Variants in IGFN1 observed in about 807,000 individuals in gnomAD.
IGFN1 encodes the protein immunoglobulin-like and fibronectin type III domain-containing protein 1.
A neutral mutation model predicts 289.5 loss-of-function variants in IGFN1; 253 were observed. The ratio of observed to expected loss-of-function variants is 0.87; its 90% CI spans 0.79 to 0.97. IGFN1 has a LOEUF of 0.97. Among genes scored for constraint, IGFN1 ranks in the 50% least tolerant of loss-of-function variants. The pLI, the probability that IGFN1 is intolerant of heterozygous loss-of-function variation, is 0.00. For missense variants in IGFN1, 4,470 were observed against 4,686.1 expected, an observed-to-expected ratio of 0.95 and a Z score of 1.35; for synonymous variants, 1,706 against 1,788.5, an observed-to-expected ratio of 0.95 and a Z score of 1.16.
chr1:201,206,178 G>A lies in IGFN1; in HGVS notation c.1285G>A (p.Glu429Lys), dbSNP rs1026660063. 22 of 1,550,318 alleles carry A rather than the reference G, an allele frequency of 1.4e-5. No homozygotes were observed. Among genetic ancestry groups the A allele is most frequent in the Middle Eastern group, 1.7e-4 (1 of 5,980 alleles). Residue 429 changes from glutamate to lysine, a missense_variant, in exon 12 of 24, where the codon GAG becomes AAG. Glu to Lys is a moderately conservative substitution (Grantham distance 56). Transcript: ENST00000335211. Reference sequence around the variant, plus strand: ...AGGAGCAGAAGAGTCTGGGAGCATCGAGAGCCAGGGAGAGAAATCCAGAGA... The same window carrying A: ...AGGAGCAGAAGAGTCTGGGAGCATCAAGAGCCAGGGAGAGAAATCCAGAGA... Reference protein sequence around the residue: ...ASGAEESGSIESQGEKSREQG... With the variant: ...ASGAEESGSIKSQGEKSREQG...
At chr1:201,227,932 T>C (rs1654221759) in intron 23 of IGFN1, among the ~76,000 whole-genome samples, 1 of 152,242 alleles carries the variant, frequency 6.6e-6, no homozygotes, top group Non-Finnish European at 1.5e-5. Flanking sequence ...ATTCTCTCAT[T>C]GGTAGTCTCC....
chr1:201,215,819 GCTCA>G lies in IGFN1; in HGVS notation c.9280_9283del (p.Thr3094CysfsTer4), dbSNP rs1653213927. 1 of 1,597,816 alleles carries G rather than the reference GCTCA, an allele frequency of 6.3e-7. No homozygotes were observed. Among genetic ancestry groups the G allele is most frequent in the African/African-American group, 1.3e-5 (1 of 74,714 alleles). ...GTGAGGGAGGCTCTGTGCAGGCCGAGCTCACTCTGCAAGTCATAGGTACCAGCCC... is the reference window on the plus strand; with the variant it reads ...GTGAGGGAGGCTCTGTGCAGGCCGAGCTCTGCAAGTCATAGGTACCAGCCC... On this transcript the variant is annotated frameshift_variant, in exon 15 of 24. Coordinates refer to ENST00000335211, the MANE Select transcript of IGFN1 (RefSeq NM_001164586.2). LOFTEE classifies it high-confidence loss of function.
chr1:201,221,811 G>C, intron 19 of IGFN1, 65 bp downstream of exon 19: 1 of 1,397,700 alleles, frequency 7.2e-7, no homozygotes, highest in Non-Finnish European at 9.7e-7. Context: ...GGGCCCCTGA[G>C]TAGCCGCAAT....
intron 17 of IGFN1, among the ~76,000 whole-genome samples, chr1:201,217,704 ACAGGACAGAGCCCAC>A (rs1653419271): frequency 6.6e-6 from 1 of 152,168 alleles, no homozygotes; most frequent in Non-Finnish European, 1.5e-5. Context: ...CTCCTCCTCT[ACAGGACAGAGCCCAC>A]CTCCTCCTCT....
intron 1 of IGFN1, among the ~76,000 whole-genome samples, chr1:201,192,810 G>A (rs370021222): frequency 6.6e-6 from 1 of 152,180 alleles, no homozygotes; most frequent in African/African-American, 2.4e-5. Flanking sequence ...AAGCTGAAAG[G>A]AGCCTGAATC....
intron 17 of IGFN1, among the ~76,000 whole-genome samples, chr1:201,218,093 G>T (rs1455648768): frequency 6.6e-6 from 1 of 152,236 alleles, no homozygotes; most frequent in Non-Finnish European, 1.5e-5. Flanking sequence ...GAAAGAACAG[G>T]CTCGGAACAG....
In IGFN1 at chr1:201,212,007, G is replaced by T. The variant is rs1667838646; in HGVS notation, c.7114G>T (p.Ala2372Ser). The change falls in exon 12 of 24, where the codon GCT (alanine) becomes TCT (serine). Residue 2372 changes from alanine (A) to serine (S), a missense_variant. By Grantham distance (99) the Ala-to-Ser change is moderately conservative. This residue lies in a region of IGFN1 where 2,218 missense variants were observed against 2,114.1 expected (regional missense o/e 1.05). Coordinates refer to ENST00000335211, the MANE Select transcript of IGFN1 (RefSeq NM_001164586.2). Reference sequence around the variant, plus strand: ...GAGGCTTGGAGTACCAGGCTCACTGGCTGGAATAGGACATGAGGCTGGACC... The same window carrying T: ...GAGGCTTGGAGTACCAGGCTCACTGTCTGGAATAGGACATGAGGCTGGACC... ...SGRLGVPGSL[A>S]GIGHEAGPRG... 2.0e-6 allele frequency: 3 copies of T among 1,536,126 alleles called. No individual in the cohort carries two copies. Among genetic ancestry groups the T allele is most frequent in the African/African-American group, 1.4e-5 (1 of 73,048 alleles).
Position 201,208,990 on chromosome 1 carries a change from G to T in IGFN1, c.4097G>T (p.Gly1366Val), listed in dbSNP as rs775420995. ...GCAGATTATAGCGGTGGTTTAAAGG[G>T]TTCCAGGGAAATCGGGTCAATGGAT... Reference protein sequence around the residue: ...SKADYSGGLKGSREIGSMDET... With the variant: ...SKADYSGGLKVSREIGSMDET... The change falls in exon 12 of 24, where the codon GGT becomes GTT. Residue 1366 changes from glycine (G) to valine (V), a missense_variant. Gly to Val is a moderately radical substitution (Grantham distance 109). Around this residue, in one of 8 missense-constraint regions of IGFN1, gnomAD observed 2,011 missense variants for 1,953.4 expected, o/e 1.03. Coordinates refer to ENST00000335211, the MANE Select transcript of IGFN1 (RefSeq NM_001164586.2). The T allele has an allele frequency of 2.0e-6, 3 of 1,536,626 alleles. No homozygotes were observed. The highest frequency in any genetic ancestry group is 2.6e-6 in the Non-Finnish European group (3 of 1,146,780).
intron 5 of IGFN1, among the ~76,000 whole-genome samples, chr1:201,197,828 C>T (rs1300395220): frequency 3.3e-5 from 5 of 152,174 alleles, no homozygotes; most frequent in Admixed American, 1.3e-4. Flanking sequence ...GGTCTAGTCT[C>T]GCCATTGGTT....
chr1:201,201,568 G>T, intron 8 of IGFN1, 151 bp from the exon 9 acceptor site: 1 of 563,280 alleles, frequency 1.8e-6, no homozygotes, highest in Non-Finnish European at 3.2e-6. Flanking sequence ...CTTCCTTGAG[G>T]GGCTTACTTT....
At chr1:201,227,594 A>AT (rs529282461) in intron 23 of IGFN1, among the ~76,000 whole-genome samples, 15 of 151,442 alleles carry the variant, frequency 9.9e-5, no homozygotes, top group African/African-American at 3.4e-4. Context: ...CACCTGGCGG[A>AT]TTTTTTTGTA....
At position 201,194,186 on chromosome 1, in the gene IGFN1, A is replaced by G. The variant is rs1244007206; in HGVS notation, c.40A>G (p.Ser14Gly). ...CCGGAAGTCCCACATCCCTGGAGTGAGCATCTGGCAGCTGGTGGAGGAGAT... is the reference window on the plus strand; with the variant it reads ...CCGGAAGTCCCACATCCCTGGAGTGGGCATCTGGCAGCTGGTGGAGGAGAT... ...KLRKSHIPGV[S>G]IWQLVEEIPE... The change falls in exon 3 of 24, where the codon AGC becomes GGC. Residue 14 changes from serine (S) to glycine (G), a missense_variant. Ser to Gly is a moderately conservative substitution (Grantham distance 56, BLOSUM62 0). Around this residue, in one of 8 missense-constraint regions of IGFN1, gnomAD observed 2,011 missense variants for 1,953.4 expected, o/e 1.03. Coordinates refer to ENST00000335211, the MANE Select transcript of IGFN1 (RefSeq NM_001164586.2). 6.4e-7 allele frequency: 1 copy of G among 1,551,632 alleles called. No individual in the cohort carries two copies. The highest frequency in any genetic ancestry group is 1.2e-5 in the South Asian group (1 of 84,058).
intron 7 of IGFN1, 123 bp from the exon 8 acceptor site, chr1:201,200,114 G>A: frequency 1.3e-6 from 1 of 747,750 alleles, no homozygotes; most frequent in Non-Finnish European, 2.1e-6. Context: ...GAGATTCCAG[G>A]CTCTGCGTTT....
chr1:201,205,745 G>A (rs78724294), intron 11 of IGFN1, among the ~76,000 whole-genome samples: 200 of 152,352 alleles, frequency 1.3e-3, no homozygotes, highest in African/African-American at 4.6e-3. Flanking sequence ...AGGTGGTTGA[G>A]CAAGTCGATA....
At chr1:201,192,053 G>C (rs1437491264) in intron 1 of IGFN1, among the ~76,000 whole-genome samples, 2 of 152,196 alleles carry the variant, frequency 1.3e-5, no homozygotes, top group Non-Finnish European at 2.9e-5. Context: ...TCCGTTGGTG[G>C]CTGCCTTCCC....
chr1:201,199,970 C>T (rs573344706), intron 7 of IGFN1, among the ~76,000 whole-genome samples: 80 of 152,152 alleles, frequency 5.3e-4, no homozygotes, highest in African/African-American at 1.8e-3. Flanking sequence ...GCAACACCCA[C>T]TTTCCCCAGA....
At chr1:201,194,989 G>T (rs1281397684) in intron 3 of IGFN1, among the ~76,000 whole-genome samples, 2 of 152,160 alleles carry the variant, frequency 1.3e-5, no homozygotes, top group Admixed American at 6.5e-5. Flanking sequence ...AGGGCGGGCA[G>T]TTCCCAGGCC....
chr1:201,215,828 G>A lies in IGFN1; in HGVS notation c.9285G>A (p.Leu3095=), dbSNP rs774609914. Residue 3095 remains leucine, a synonymous_variant, in exon 15 of 24, where the codon CTG becomes CTA. Transcript: ENST00000335211. ...GCTCTGTGCAGGCCGAGCTCACTCT[G>A]CAAGTCATAGGTACCAGCCCTGTCT... ...EGGSVQAELT[L]QVIDKPDPPQ... is the part of the protein sequence containing the mutation. The A allele has an allele frequency of 6.3e-7, 1 of 1,599,806 alleles. No individual in the cohort carries two copies. The highest frequency in any genetic ancestry group is 1.7e-5 in the Admixed American group (1 of 59,170).
rs1489839348 is a variant in IGFN1, at chr1:201,207,762, G to T, written c.2869G>T (p.Gly957Cys). 2 of 1,536,712 alleles carry T rather than the reference G, an allele frequency of 1.3e-6. No individual in the cohort carries two copies. The highest frequency in any genetic ancestry group is 1.4e-5 in the African/African-American group (1 of 72,984). The change falls in exon 12 of 24, where the codon GGT becomes TGT. Residue 957 changes from glycine to cysteine, a missense_variant. Transcript: ENST00000335211. ...CGGGAGAATGGAATCTAGGTACGAG[G>T]GTGGCTTAGGATATTCTAGGGAAAT... Reference protein sequence around the residue: ...GPGRMESRYEGGLGYSREISS... With the variant: ...GPGRMESRYECGLGYSREISS...
Sources: allele counts gnomAD v4.1 joint callset (sites outside exome capture counted in the v4.1 genomes callset), GRCh38; gene constraint gnomAD v4.1.1; regional missense constraint gnomAD v4.1.1; transcripts MANE v1.5; gene names NCBI Gene and HGNC (gene_info 2026-07-23, HGNC 2026-07-21).